LMBRD1: variants seen among roughly 807,000 people sequenced by gnomAD.
LMBRD1 encodes the protein lysosomal cobalamin transport escort protein LMBD1.
In LMBRD1, 64 loss-of-function variants were observed where a neutral mutation model predicts 74.8. The observed-to-expected ratio is 0.86, with a 90% CI of 0.70 to 1.05. The LOEUF (loss-of-function observed/expected upper bound fraction) is 1.05. Among genes scored for constraint, LMBRD1 ranks in the 50% least tolerant of loss-of-function variants. LMBRD1 has a pLI of 0.00. For missense variants in LMBRD1, 652 were observed against 645.9 expected (o/e 1.01, Z -0.10); for synonymous variants, 204 against 216.3 (o/e 0.94, Z 0.50).
rs972194083 is a variant in LMBRD1, at chr6:69,741,999, G to A, written c.474-122C>T. 1.6e-5 allele frequency: 10 copies of A among 620,182 alleles called. No individual in the cohort carries two copies. The South Asian group carries it at 2.1e-4, about 13-fold the overall frequency. 38.4% of individuals were successfully genotyped at this position (620,182 alleles called of 1,614,324 possible). ...AAATAAAATCTGTACTATGCACAGAGGGGAGTGAAAAGTTTCTTATCTATG... is the reference window on the plus strand; with the variant it reads ...AAATAAAATCTGTACTATGCACAGAAGGGAGTGAAAAGTTTCTTATCTATG... On this transcript the variant is annotated intron_variant, in intron 5 of 15. Transcript: ENST00000649934.
chr6:69,726,314 T>C (rs1223953438), intron 7 of LMBRD1, among the ~76,000 whole-genome samples: 2 of 152,186 alleles, frequency 1.3e-5, no homozygotes, highest in Admixed American at 6.5e-5. Flanking sequence ...AGAGAATAGT[T>C]TGGAGGTTCC....
At chr6:69,730,309 TA>T (rs1198379390) in intron 7 of LMBRD1, among the ~76,000 whole-genome samples, 3 of 152,138 alleles carry the variant, frequency 2.0e-5, no homozygotes, top group African/African-American at 7.2e-5. Context: ...TAGATTATTG[TA>T]AAGGGTCAAC....
At chr6:69,694,884 T>G (rs1765960069) in intron 14 of LMBRD1, among the ~76,000 whole-genome samples, 1 of 152,168 alleles carries the variant, frequency 6.6e-6, no homozygotes, top group South Asian at 2.1e-4. Context: ...CCTAATCCCC[T>G]TCATAGGCTA....
At chr6:69,692,521 C>T (rs745770826) in intron 14 of LMBRD1, among the ~76,000 whole-genome samples, 9 of 152,102 alleles carry the variant, frequency 5.9e-5, no homozygotes, top group Non-Finnish European at 1.2e-4. Context: ...TCTTGCTTCA[C>T]CCCTAACTGT....
chr6:69,750,945 T>C (rs1284507418), intron 4 of LMBRD1, among the ~76,000 whole-genome samples: 1 of 152,174 alleles, frequency 6.6e-6, no homozygotes, highest in Admixed American at 6.5e-5. Context: ...AGCTTTTGAC[T>C]TAATACATTT....
At chr6:69,784,704 A>G (rs368449976) in intron 2 of LMBRD1, among the ~76,000 whole-genome samples, 1 of 152,124 alleles carries the variant, frequency 6.6e-6, no homozygotes, top group African/African-American at 2.4e-5. Flanking sequence ...AATCTAAAAC[A>G]TATCTCCATT....
intron 1 of LMBRD1, among the ~76,000 whole-genome samples, chr6:69,791,199 T>C (rs1245839033): frequency 6.6e-6 from 1 of 152,208 alleles, no homozygotes; most frequent in Non-Finnish European, 1.5e-5. Context: ...CGGAATCACT[T>C]GGAGGAACTG....
At chr6:69,714,733 G>A (rs1766454562) in intron 8 of LMBRD1, among the ~76,000 whole-genome samples, 1 of 151,984 alleles carries the variant, frequency 6.6e-6, no homozygotes, top group Non-Finnish European at 1.5e-5. Context: ...TAACTATAAT[G>A]CAGAGAAAAC....
intron 6 of LMBRD1, among the ~76,000 whole-genome samples, chr6:69,741,373 GGTTAA>G (rs1767097003): frequency 1.3e-5 from 2 of 152,056 alleles, no homozygotes. Flanking sequence ...AAAACTGTGG[GGTTAA>G]GTTCTTTTTT....
At position 69,725,524 on chromosome 6, in the gene LMBRD1, C is replaced by T. The variant is rs146746310; in HGVS notation, c.637-6443G>A. On this transcript the variant is annotated intron_variant, in intron 7 of 15. Coordinates refer to ENST00000649934, the MANE Select transcript of LMBRD1 (RefSeq NM_018368.4). ...AGTAACTAAAACAGCATGGTACTGG[C>T]ATAAAAACAGACACACGGACCAATG... Among the ~76,000 whole-genome samples, 614 of 152,136 alleles carry T rather than the reference C, an allele frequency of 4.0e-3. 3 individuals carry two copies. Among genetic ancestry groups the T allele is most frequent in the African/African-American group, 0.014 (566 of 41,526 alleles).
chr6:69,705,280 T>G (rs1244998179), intron 9 of LMBRD1: 4 of 730,330 alleles, frequency 5.5e-6, no homozygotes, highest in Non-Finnish European at 1.0e-5. Flanking sequence ...TTGTTTAAAC[T>G]ATTTTCTTAA....
Position 69,721,735 on chromosome 6 carries a change from C to T in LMBRD1, c.637-2654G>A, listed in dbSNP as rs181692653. Reference sequence around the variant, plus strand: ...AGGTACCAGCTCAGCCACAGTAAGGCAGAGCAACAAGCAGACTCTTGAGGT... The same window carrying T: ...AGGTACCAGCTCAGCCACAGTAAGGTAGAGCAACAAGCAGACTCTTGAGGT... On this transcript the variant is annotated intron_variant, in intron 7 of 15. Coordinates refer to ENST00000649934, the MANE Select transcript of LMBRD1 (RefSeq NM_018368.4). Among the ~76,000 whole-genome samples the T allele has an allele frequency of 8.5e-5, 13 of 152,290 alleles. No individual in the cohort carries two copies. The East Asian group carries it at 2.5e-3, about 29-fold the overall frequency.
intron 3 of LMBRD1, 148 bp downstream of exon 3, chr6:69,780,346 C>G: frequency 4.5e-6 from 3 of 661,600 alleles, no homozygotes; most frequent in Non-Finnish European, 8.4e-6. Flanking sequence ...TACTAAACTC[C>G]CTGCTCCTTA....
At chr6:69,774,991 G>GGAAGGAAGGA (rs1394719550) in intron 3 of LMBRD1, among the ~76,000 whole-genome samples, 1,662 of 42,568 alleles carry the variant, frequency 0.039, 268 homozygotes, top group Middle Eastern at 0.083. Context: ...GGAAGGAAGG[G>GGAAGGAAGGA]AGGGAGGGAG....
intron 9 of LMBRD1, chr6:69,705,760 G>C: frequency 8.2e-7 from 1 of 1,215,398 alleles, no homozygotes. Flanking sequence ...ATACTTAAGA[G>C]TTTCACATCC....
chr6:69,741,536 C>A (rs1186140473), intron 6 of LMBRD1, among the ~76,000 whole-genome samples: 1 of 152,132 alleles, frequency 6.6e-6, no homozygotes, highest in Admixed American at 6.5e-5. Flanking sequence ...CAGGCGCCTG[C>A]CACTGCACCC....
At chr6:69,779,200 A>AG (rs1765773146) in intron 3 of LMBRD1, among the ~76,000 whole-genome samples, 1 of 151,846 alleles carries the variant, frequency 6.6e-6, no homozygotes, top group African/African-American at 2.4e-5. Flanking sequence ...AAAAAAAAAA[A>AG]ACAATTCAAT....
intron 3 of LMBRD1, among the ~76,000 whole-genome samples, chr6:69,758,395 G>C (rs537352504): frequency 6.6e-6 from 1 of 152,116 alleles, no homozygotes; most frequent in Non-Finnish European, 1.5e-5. Flanking sequence ...CTCCTGAGTC[G>C]AGACTGATAG....
chr6:69,760,517 A>G (rs767809102), intron 3 of LMBRD1, among the ~76,000 whole-genome samples: 42 of 152,340 alleles, frequency 2.8e-4, no homozygotes, highest in Non-Finnish European at 5.3e-4. Flanking sequence ...AATATGATCA[A>G]TAAATAGTCT....
Sources: allele counts gnomAD v4.1 joint callset (sites outside exome capture counted in the v4.1 genomes callset), GRCh38; gene constraint gnomAD v4.1.1; transcripts MANE v1.5; gene names NCBI Gene and HGNC (gene_info 2026-07-23, HGNC 2026-07-21).